SH3GL2: variants seen among roughly 807,000 people sequenced by gnomAD.
The protein encoded by SH3GL2 is endophilin-A1.
A neutral mutation model predicts 46.0 loss-of-function variants in SH3GL2; 24 were observed. That is an observed-to-expected ratio of 0.52 (90% CI 0.38 to 0.73). The LOEUF is 0.73. Ranked by LOEUF, SH3GL2 falls within the 30% of genes least tolerant of loss-of-function variation. The probability of loss-of-function intolerance (pLI) is 0.00; values close to 1 mark genes in which losing one functional copy is unlikely to be tolerated. For missense variants in SH3GL2, 413 were observed against 424.2 expected (o/e 0.97, Z 0.23); for synonymous variants, 196 against 147.1 (o/e 1.33, Z -2.40).
intron 3 of SH3GL2, among the ~76,000 whole-genome samples, chr9:17,773,087 G>A (rs1823537680): frequency 6.6e-6 from 1 of 152,130 alleles, no homozygotes; most frequent in South Asian, 2.1e-4. Flanking sequence ...AATGATTAGT[G>A]AAGTTAACCA....
intron 1 of SH3GL2, among the ~76,000 whole-genome samples, chr9:17,660,380 G>T (rs1257198404): frequency 6.6e-6 from 1 of 152,120 alleles, no homozygotes; most frequent in Non-Finnish European, 1.5e-5. Context: ...CAGAACTGCT[G>T]CTGCCTACAG....
intron 1 of SH3GL2, among the ~76,000 whole-genome samples, chr9:17,633,606 T>C (rs187976054): frequency 6.6e-6 from 1 of 152,316 alleles, no homozygotes; most frequent in Non-Finnish European, 1.5e-5. Flanking sequence ...GGCACATTTG[T>C]AGTAGAGTTT....
intron 1 of SH3GL2, among the ~76,000 whole-genome samples, chr9:17,633,192 G>C (rs1819472180): frequency 1.3e-5 from 2 of 152,160 alleles, no homozygotes; most frequent in Non-Finnish European, 2.9e-5. Context: ...TGGGAAGGGA[G>C]CTTTGATTTC....
At chr9:17,615,963 A>G (rs1818984486) in intron 1 of SH3GL2, among the ~76,000 whole-genome samples, 1 of 152,118 alleles carries the variant, frequency 6.6e-6, no homozygotes, top group Non-Finnish European at 1.5e-5. Flanking sequence ...AGAAAGTTAA[A>G]ATTTGTGCTC....
intron 1 of SH3GL2, among the ~76,000 whole-genome samples, chr9:17,668,292 G>A (rs1355749407): frequency 6.6e-6 from 1 of 152,206 alleles, no homozygotes; most frequent in East Asian, 1.9e-4. Flanking sequence ...AGTTAATTTT[G>A]TGTAAAGTGT....
intron 3 of SH3GL2, among the ~76,000 whole-genome samples, chr9:17,761,975 G>C (rs766607545): frequency 2.0e-5 from 3 of 152,102 alleles, no homozygotes; most frequent in Non-Finnish European, 2.9e-5. Context: ...TCTTGATTCT[G>C]ATTCTTCTCC....
At chr9:17,742,259 G>A (rs1822548360) in intron 1 of SH3GL2, among the ~76,000 whole-genome samples, 1 of 152,170 alleles carries the variant, frequency 6.6e-6, no homozygotes, top group Admixed American at 6.5e-5. Context: ...CACCCCTAGA[G>A]GATGGAATGT....
chr9:17,703,345 T>G (rs1412653103), intron 1 of SH3GL2, among the ~76,000 whole-genome samples: 1 of 152,084 alleles, frequency 6.6e-6, no homozygotes, highest in Non-Finnish European at 1.5e-5. Flanking sequence ...TGAATTTTGA[T>G]GTAATAATCA....
At chr9:17,743,986 T>C (rs112330537) in intron 1 of SH3GL2, among the ~76,000 whole-genome samples, 6 of 152,220 alleles carry the variant, frequency 3.9e-5, no homozygotes, top group African/African-American at 1.2e-4. Context: ...TGAAGGGGTC[T>C]ATCTATAATG....
chr9:17,719,553 A>G (rs975165245), intron 1 of SH3GL2, among the ~76,000 whole-genome samples: 5 of 152,268 alleles, frequency 3.3e-5, no homozygotes, highest in South Asian at 2.1e-4. Flanking sequence ...TGGGAGGCCA[A>G]CGTGGGAGGA....
intron 2 of SH3GL2, among the ~76,000 whole-genome samples, chr9:17,756,740 G>A (rs1351652556): frequency 6.6e-6 from 1 of 152,010 alleles, no homozygotes; most frequent in Admixed American, 6.6e-5. Flanking sequence ...GGACATTTGG[G>A]TTGGTTCCAA....
chr9:17,712,369 T>C (rs1027089919), intron 1 of SH3GL2, among the ~76,000 whole-genome samples: 6 of 151,678 alleles, frequency 4.0e-5, no homozygotes, highest in African/African-American at 1.5e-4. Context: ...GAGACATCTC[T>C]AAAAAAAACT....
chr9:17,659,438 G>T (rs1439488144), intron 1 of SH3GL2, among the ~76,000 whole-genome samples: 2 of 152,020 alleles, frequency 1.3e-5, no homozygotes, highest in African/African-American at 4.8e-5. Flanking sequence ...AGCCATTGAA[G>T]TAAGTGGTGT....
At chr9:17,676,955 C>A (rs1456419665) in intron 1 of SH3GL2, among the ~76,000 whole-genome samples, 1 of 152,046 alleles carries the variant, frequency 6.6e-6, no homozygotes, top group African/African-American at 2.4e-5. Flanking sequence ...CCATAAATTC[C>A]TTCATCTTGG....
intron 1 of SH3GL2, among the ~76,000 whole-genome samples, chr9:17,713,246 AGT>A (rs1412122346): frequency 9.9e-5 from 15 of 151,610 alleles, no homozygotes; most frequent in Non-Finnish European, 1.0e-4. Context: ...TAGAATCTGT[AGT>A]GATATCCTCT....
intron 1 of SH3GL2, among the ~76,000 whole-genome samples, chr9:17,723,496 T>C (rs150981091): frequency 2.7e-3 from 413 of 152,248 alleles, no homozygotes; most frequent in Non-Finnish European, 4.1e-3. Context: ...CCAGGTGTGG[T>C]TGAGAAATGT....
At chr9:17,627,463 T>G (rs1819309995) in intron 1 of SH3GL2, among the ~76,000 whole-genome samples, 1 of 152,142 alleles carries the variant, frequency 6.6e-6, no homozygotes, top group African/African-American at 2.4e-5. Context: ...TTGGCTATGG[T>G]GAAAAGTAAC....
chr9:17,613,953 G>A (rs919278464), intron 1 of SH3GL2, among the ~76,000 whole-genome samples: 8 of 152,068 alleles, frequency 5.3e-5, no homozygotes, highest in African/African-American at 1.9e-4. Context: ...CGACAATACT[G>A]GAGATCTTGT....
intron 1 of SH3GL2, among the ~76,000 whole-genome samples, chr9:17,673,608 C>A (rs2117980570): frequency 6.6e-6 from 1 of 152,276 alleles, no homozygotes; most frequent in Admixed American, 6.5e-5. Flanking sequence ...AGTCTGAGCT[C>A]TTTGACTTGA....
Sources: gnomAD v4.1 joint callset for allele counts (sites outside exome capture counted in the v4.1 genomes callset) on GRCh38, gnomAD v4.1.1 for gene constraint, MANE v1.5 for transcripts, NCBI Gene and HGNC (gene_info 2026-07-23, HGNC 2026-07-21) for gene names.